Variants in IL1RAP observed in about 807,000 individuals in gnomAD.
The protein encoded by IL1RAP is interleukin-1 receptor accessory protein.
A neutral mutation model predicts 60.7 loss-of-function variants in IL1RAP; 35 were observed. The ratio of observed to expected loss-of-function variants is 0.58; its 90% CI spans 0.44 to 0.76. The LOEUF is 0.76. IL1RAP is among the 30% of genes least tolerant of loss of function. The probability of loss-of-function intolerance (pLI) is 0.00; values close to 1 mark genes in which losing one functional copy is unlikely to be tolerated. For missense variants in IL1RAP, 572 were observed against 693.9 expected (o/e 0.82, Z 1.97); for synonymous variants, 268 against 250.9 (o/e 1.07, Z -0.64).
chr3:190,635,934 C>T (rs1733185692), intron 9 of IL1RAP, among the ~76,000 whole-genome samples: 1 of 152,138 alleles, frequency 6.6e-6, no homozygotes, highest in Non-Finnish European at 1.5e-5. Flanking sequence ...ACAAGCCTTC[C>T]TTTTCTTATC....
At chr3:190,563,885 C>A (rs1726129684) in intron 2 of IL1RAP, 2 of 163,386 alleles carry the variant, frequency 1.2e-5, no homozygotes, top group South Asian at 1.6e-4. Context: ...TCAAAAAATC[C>A]AGATGAATAT....
intron 9 of IL1RAP, 186 bp from the exon 10 acceptor site, chr3:190,644,060 CAA>C (rs1733840341): frequency 1.1e-6 from 1 of 917,310 alleles, no homozygotes; most frequent in South Asian, 5.0e-5. Flanking sequence ...GTGCTGGAAA[CAA>C]AAAGATAAAC....
At chr3:190,577,919 T>G (rs1406896325) in intron 3 of IL1RAP, among the ~76,000 whole-genome samples, 1 of 152,186 alleles carries the variant, frequency 6.6e-6, no homozygotes, top group East Asian at 1.9e-4. Flanking sequence ...CCTTTTAAAA[T>G]AACTTTATTT....
intron 5 of IL1RAP, among the ~76,000 whole-genome samples, chr3:190,613,132 G>C (rs1323028227): frequency 6.6e-6 from 1 of 152,204 alleles, no homozygotes; most frequent in Non-Finnish European, 1.5e-5. Flanking sequence ...GTTTTAAGGA[G>C]AGAGAGATAT....
chr3:190,524,206 G>GT (rs1446568288), intron 1 of IL1RAP, among the ~76,000 whole-genome samples: 1 of 151,916 alleles, frequency 6.6e-6, no homozygotes, highest in African/African-American at 2.4e-5. Flanking sequence ...TAAATAGGTT[G>GT]TTTTTTCTTG....
At chr3:190,633,353 G>A (rs749297835) in intron 9 of IL1RAP, among the ~76,000 whole-genome samples, 1 of 151,926 alleles carries the variant, frequency 6.6e-6, no homozygotes, top group Non-Finnish European at 1.5e-5. Flanking sequence ...TATTGTAATA[G>A]TACTTTTATT....
downstream of IL1RAP, among the ~76,000 whole-genome samples, chr3:190,652,139 C>T (rs1228415853): frequency 1.3e-5 from 2 of 151,832 alleles, no homozygotes; most frequent in African/African-American, 4.8e-5. Context: ...AATACAAGTC[C>T]ATAGTGACAG....
chr3:190,540,993 A>G (rs1034085894), intron 1 of IL1RAP, among the ~76,000 whole-genome samples: 2 of 152,150 alleles, frequency 1.3e-5, no homozygotes, highest in Non-Finnish European at 2.9e-5. Context: ...TGAGGTGACC[A>G]TCCATGTTAG....
intron 5 of IL1RAP, chr3:190,615,159 G>T: frequency 3.1e-6 from 1 of 321,040 alleles, no homozygotes; most frequent in Non-Finnish European, 6.3e-6. Flanking sequence ...GAGTTAAACT[G>T]ATGTTCAGCA....
chr3:190,645,838 G>A lies in IL1RAP; in HGVS notation c.1341G>A (p.Gly447=). 6.2e-7 allele frequency: 1 copy of A among 1,612,574 alleles called. No homozygotes were observed. Among genetic ancestry groups the A allele is most frequent in the South Asian group, 1.1e-5 (1 of 90,826 alleles). Residue 447 remains glycine (G), a synonymous_variant, in exon 11 of 12, where the codon GGG becomes GGA. Transcript: ENST00000447382. ...LCIFDRDSLP[G]GIVTDETLSF... ...TCTTTGACCGAGACAGTCTGCCTGG[G>A]GGAAGTAGGTATTTCAGAGGAGTAC...
rs138701697 is a variant in IL1RAP at position 190,620,399 on chromosome 3, G to A, written c.662G>A (p.Arg221His). 1.1e-5 allele frequency: 17 copies of A among 1,612,292 alleles called. No homozygotes were observed. Among genetic ancestry groups the A allele is most frequent in the Admixed American group, 5.0e-5 (3 of 59,582 alleles). Residue 221 changes from arginine (R) to histidine (H), a missense_variant, in exon 6 of 12, where the codon CGT (arginine) becomes CAT (histidine). Physicochemically the swap from Arg to His is conservative, Grantham distance 29. Coordinates refer to ENST00000447382, the MANE Select transcript of IL1RAP (RefSeq NM_002182.4). ...GTTGTTACATATCCAGAAAATGGAC[G>A]TACGTTTCATCTCACCAGGACTCTG... The part of the protein sequence containing the change: ...TCVVTYPENG[R>H]TFHLTRTLTV...
At chr3:190,634,074 T>C (rs1361694494) in intron 9 of IL1RAP, among the ~76,000 whole-genome samples, 1 of 152,204 alleles carries the variant, frequency 6.6e-6, no homozygotes, top group Non-Finnish European at 1.5e-5. Flanking sequence ...ATGTTGAGTT[T>C]TGTTGAATAC....
intron 5 of IL1RAP, among the ~76,000 whole-genome samples, chr3:190,614,534 C>A (rs1011653401): frequency 6.6e-6 from 1 of 152,058 alleles, no homozygotes; most frequent in African/African-American, 2.4e-5. Context: ...CTTGATTTTA[C>A]TTAATTCTGT....
chr3:190,568,434 C>A (rs1327256283), intron 3 of IL1RAP, among the ~76,000 whole-genome samples: 1 of 152,170 alleles, frequency 6.6e-6, no homozygotes, highest in East Asian at 1.9e-4. Context: ...CTGTGCTCTG[C>A]TACTAGAAGT....
rs571331742 is a variant in IL1RAP, at chr3:190,565,179, GAAAC to G, written c.64+846_64+849del. ...AACTGTAGGACTGAAAAAAAAAAAA[GAAAC>G]AAACAAACAAACAAACAAAACAACC... On this transcript the variant is annotated intron_variant, in intron 3 of 11. Transcript: ENST00000447382. 7.4e-4 allele frequency among the ~76,000 whole-genome samples: 109 copies of G among 146,482 alleles called. No homozygotes were observed. The East Asian group carries it at 0.013, about 17-fold the overall frequency.
chr3:190,635,130 A>G (rs1425475035), intron 9 of IL1RAP, among the ~76,000 whole-genome samples: 1 of 151,912 alleles, frequency 6.6e-6, no homozygotes, highest in Non-Finnish European at 1.5e-5. Flanking sequence ...TTTCCATTTC[A>G]TCTAAGTTGT....
intron 3 of IL1RAP, among the ~76,000 whole-genome samples, chr3:190,572,499 G>A (rs561690092): frequency 3.7e-4 from 57 of 152,216 alleles, no homozygotes; most frequent in South Asian, 1.7e-3. Context: ...AAGAGAGAGA[G>A]AGGCATAAAA....
In IL1RAP at chr3:190,645,887, G is replaced by A. The variant is rs781008501; in HGVS notation, c.1345+45G>A. 12 of 1,545,826 alleles carry A rather than the reference G, an allele frequency of 7.8e-6. 1 individual carries two copies. The South Asian group carries it at 1.4e-4, about 18-fold the overall frequency. ...ACAAATGATGCTACCTTGAAAGGCA[G>A]ACAGAATCATTAGTTTTGCATTATG... On this transcript the variant is annotated intron_variant, in intron 11 of 11. Transcript: ENST00000447382.
rs773358741 is a variant in IL1RAP at position 190,609,054 on chromosome 3, G to A, written c.410G>A (p.Cys137Tyr). ...TTGGAAGTTGTTCAAAAAGACAGCT[G>A]TTTCAATTCCCCCATGAAACTCCCA... Reference protein sequence around the residue: ...FPLEVVQKDSCFNSPMKLPVH... With the variant: ...FPLEVVQKDSYFNSPMKLPVH... The change falls in exon 5 of 12, where the codon TGT becomes TAT. Residue 137 changes from cysteine (C) to tyrosine (Y), a missense_variant. By Grantham distance (194) the Cys-to-Tyr change is radical. Transcript: ENST00000447382. 1.2e-6 allele frequency: 2 copies of A among 1,613,344 alleles called. No homozygotes were observed. Among genetic ancestry groups the A allele is most frequent in the Non-Finnish European group, 1.7e-6 (2 of 1,179,596 alleles).
Sources: gnomAD v4.1 joint callset for allele counts (sites outside exome capture counted in the v4.1 genomes callset) on GRCh38, gnomAD v4.1.1 for gene constraint, MANE v1.5 for transcripts, NCBI Gene and HGNC (gene_info 2026-07-23, HGNC 2026-07-21) for gene names.